Variants in BTBD8 observed in about 807,000 individuals in gnomAD.
BTBD8 encodes BTB domain containing 8.
A neutral mutation model predicts 162.9 loss-of-function variants in BTBD8; 110 were observed. The observed-to-expected ratio is 0.68, with a 90% CI of 0.58 to 0.79. BTBD8 has a LOEUF of 0.79. Ranked by LOEUF, BTBD8 falls within the 30% of genes least tolerant of loss-of-function variation. The pLI is 0.00. For synonymous variants in BTBD8, 667 were observed against 716.1 expected (o/e 0.93, Z 1.10); for missense variants, 1,905 against 2,085.4 (o/e 0.91, Z 1.68).
At chr1:92,119,028 A>G (rs997828987) in intron 4 of BTBD8, among the ~76,000 whole-genome samples, 2 of 151,362 alleles carry the variant, frequency 1.3e-5, no homozygotes, top group African/African-American at 4.9e-5. Flanking sequence ...CAGGACTGGA[A>G]GTTGCTTTCG....
rs534153908 is a variant in BTBD8, at chr1:92,080,746, G to T, written c.149+26G>T. 120 of 1,596,056 alleles carry T rather than the reference G, an allele frequency of 7.5e-5. 2 individuals carry two copies. In the South Asian group the frequency reaches 1.3e-3, roughly 17 times the overall value. On this transcript the variant is annotated intron_variant, in intron 1 of 17. Transcript: ENST00000636805. ...GTAGGAGGAGGCGGGAACTCTGGCTGCTTCAGTTCCTAAATCGCCCACCTC... is the reference window on the plus strand; with the variant it reads ...GTAGGAGGAGGCGGGAACTCTGGCTTCTTCAGTTCCTAAATCGCCCACCTC...
rs1253862068 is a variant in BTBD8, at chr1:92,080,636, G to T, written c.65G>T (p.Ser22Ile). The T allele has an allele frequency of 1.9e-6, 3 of 1,613,810 alleles. No individual in the cohort carries two copies. Residue 22 changes from serine to isoleucine, a missense_variant, in exon 1 of 18, where the codon AGT (serine) becomes ATT (isoleucine). By Grantham distance (142) the Ser-to-Ile change is moderately radical. This residue lies in a region of BTBD8 where 1,374 missense variants were observed against 1,442.7 expected (regional missense o/e 0.95). Coordinates refer to ENST00000636805, the MANE Select transcript of BTBD8 (RefSeq NM_001376131.1). ...MVLLGSAGVC[S>I]KGLQRKGPCE... The stretch of plus-strand genomic sequence containing the variant: ...CTTCTGGGGTCCGCTGGAGTTTGCA[G>T]TAAGGGGTTGCAAAGGAAGGGGCCG...
At chr1:92,127,492 A>G (rs1649390694) in intron 4 of BTBD8, among the ~76,000 whole-genome samples, 1 of 152,226 alleles carries the variant, frequency 6.6e-6, no homozygotes, top group South Asian at 2.1e-4. Context: ...TCAAGCTGAC[A>G]AAGTTCAGTG....
At chr1:92,173,045 C>T (rs1650594775) in intron 13 of BTBD8, among the ~76,000 whole-genome samples, 1 of 152,166 alleles carries the variant, frequency 6.6e-6, no homozygotes, top group South Asian at 2.1e-4. Flanking sequence ...CCTCCCTCAG[C>T]CTCCCAAATA....
chr1:92,171,319 TACTGACA>T, intron 12 of BTBD8, 73 bp from the exon 13 acceptor site: 1 of 1,034,648 alleles, frequency 9.7e-7, no homozygotes, highest in Non-Finnish European at 1.4e-6. Flanking sequence ...ACCTTTTTTC[TACTGACA>T]TACTATTTTT....
chr1:92,116,789 G>A (rs1422951360), intron 4 of BTBD8, among the ~76,000 whole-genome samples: 1 of 151,334 alleles, frequency 6.6e-6, no homozygotes, highest in Non-Finnish European at 1.5e-5. Flanking sequence ...CTTTTAATTG[G>A]AGTAGACTAT....
At chr1:92,107,796 G>A in intron 3 of BTBD8, 88 bp from the exon 4 acceptor site, 1 of 1,031,734 alleles carries the variant, frequency 9.7e-7, no homozygotes, top group Non-Finnish European at 1.4e-6. Flanking sequence ...AGATAATTAT[G>A]TGGGAAACCT....
rs1258704467 is a variant in BTBD8 at position 92,126,752 on chromosome 1, C to T, written c.663-2935C>T. Among the ~76,000 whole-genome samples the T allele has an allele frequency of 5.9e-5, 9 of 152,132 alleles. No homozygotes were observed. The East Asian group carries it at 1.5e-3, about 26-fold the overall frequency. On this transcript the variant is annotated intron_variant, in intron 4 of 17. Coordinates refer to ENST00000636805, the MANE Select transcript of BTBD8 (RefSeq NM_001376131.1). ...TGAGTGCCATGCTTTTGGGTGAAGG[C>T]AGATCCCAGCATCAGTTGAATTACC...
intron 5 of BTBD8, among the ~76,000 whole-genome samples, chr1:92,135,755 T>A (rs1649619042): frequency 6.6e-6 from 1 of 152,214 alleles, no homozygotes. Flanking sequence ...TATTGATATA[T>A]AGGTTCAAAT....
intron 12 of BTBD8, among the ~76,000 whole-genome samples, chr1:92,169,531 A>G (rs1650478191): frequency 6.6e-6 from 1 of 152,184 alleles, no homozygotes; most frequent in Admixed American, 6.5e-5. Flanking sequence ...CATCTGAAAC[A>G]TTAGCATTAA....
chr1:92,147,682 A>G lies in BTBD8; in HGVS notation c.1020-2A>G. The stretch of plus-strand genomic sequence containing the variant: ...TAACGTGGTATTCTTTTATTTTAAC[A>G]GGTGGATTGTAAAGCATTTTGCAAG... On this transcript the variant is annotated splice_acceptor_variant, in intron 8 of 17. Coordinates refer to ENST00000636805, the MANE Select transcript of BTBD8 (RefSeq NM_001376131.1). LOFTEE classifies it high-confidence loss of function. 2 of 1,593,950 alleles carry G rather than the reference A, an allele frequency of 1.3e-6. No homozygotes were observed. The highest frequency in any genetic ancestry group is 2.2e-5 in the East Asian group (1 of 44,730).
intron 9 of BTBD8, among the ~76,000 whole-genome samples, chr1:92,160,657 A>C (rs1412649511): frequency 6.6e-6 from 1 of 151,420 alleles, no homozygotes; most frequent in African/African-American, 2.4e-5. Flanking sequence ...GTCATTGGAT[A>C]CTCCTCTACA....
intron 2 of BTBD8, 83 bp from the exon 3 acceptor site, chr1:92,102,390 G>A: frequency 4.5e-6 from 5 of 1,105,190 alleles, no homozygotes; most frequent in Non-Finnish European, 6.0e-6. Context: ...ATATATGAAA[G>A]TAGCACACTA....
intron 2 of BTBD8, among the ~76,000 whole-genome samples, chr1:92,098,181 A>AAT (rs531002863): frequency 2.6e-4 from 39 of 152,198 alleles, no homozygotes; most frequent in Non-Finnish European, 4.0e-4. Context: ...GAGAATGCTA[A>AAT]GAACAGCGCC....
intron 2 of BTBD8, among the ~76,000 whole-genome samples, chr1:92,099,087 C>T (rs2128645): frequency 0.64 from 97,243 of 152,072 alleles, 31,509 homozygotes; most frequent in East Asian, 0.97. Context: ...ATGAGGTTAG[C>T]GTCTAACTTC....
chr1:92,174,940 G>A (rs556980), intron 13 of BTBD8, among the ~76,000 whole-genome samples: 114,506 of 152,090 alleles, frequency 0.75, 44,456 homozygotes, highest in East Asian at 0.97. Context: ...ATCTTTGACA[G>A]CTTTTAATGT....
chr1:92,080,742 G>C, intron 1 of BTBD8, 22 bp downstream of exon 1: 1 of 1,598,488 alleles, frequency 6.3e-7, no homozygotes. Flanking sequence ...CGGGAACTCT[G>C]GCTGCTTCAG....
At chr1:92,120,037 A>G (rs1371546737) in intron 4 of BTBD8, among the ~76,000 whole-genome samples, 1 of 148,440 alleles carries the variant, frequency 6.7e-6, no homozygotes, top group Non-Finnish European at 1.5e-5. Flanking sequence ...AGTAGCTGGG[A>G]TTGCAGGCAT....
chr1:92,113,828 C>T lies in BTBD8; in HGVS notation c.662+5827C>T, dbSNP rs57834047. Reference sequence around the variant, plus strand: ...GAGATTGAGACCATCCTGGCTAACTCGGTGAAACCCTGTCTCTACTAAAAA... The same window carrying T: ...GAGATTGAGACCATCCTGGCTAACTTGGTGAAACCCTGTCTCTACTAAAAA... On this transcript the variant is annotated intron_variant, in intron 4 of 17. Transcript: ENST00000636805. 2.9e-3 allele frequency among the ~76,000 whole-genome samples: 436 copies of T among 151,796 alleles called. 2 individuals carry two copies. The highest frequency in any genetic ancestry group is 9.3e-3 in the African/African-American group (385 of 41,290).
Sources: allele counts gnomAD v4.1 joint callset (sites outside exome capture counted in the v4.1 genomes callset), GRCh38; gene constraint gnomAD v4.1.1; regional missense constraint gnomAD v4.1.1; transcripts MANE v1.5; gene names NCBI Gene and HGNC (gene_info 2026-07-23, HGNC 2026-07-21).